The following CEP83 variants were observed in gnomAD, a reference collection of about 807,000 sequenced individuals.
CEP83 encodes the protein centrosomal protein 83.
Under a neutral mutation model 101.9 loss-of-function variants are expected in CEP83, and 70 were observed. The ratio of observed to expected loss-of-function variants is 0.69; its 90% CI spans 0.57 to 0.84. CEP83 has a LOEUF of 0.84. CEP83 is among the 40% of genes least tolerant of loss of function. The pLI is 0.00. For synonymous variants in CEP83, 264 were observed against 267.9 expected, an observed-to-expected ratio of 0.99 and a Z score of 0.14; for missense variants, 715 against 787.2, an observed-to-expected ratio of 0.91 and a Z score of 1.10.
rs551271991 is a variant in CEP83 at position 94,373,368 on chromosome 12, A to G, written c.933+2518T>C. 3.9e-5 allele frequency among the ~76,000 whole-genome samples: 6 copies of G among 152,308 alleles called. No individual in the cohort carries two copies. In the South Asian group the frequency reaches 1.2e-3, roughly 32 times the overall value. ...ACTGGGCATTTTACAGGGGGTCAGT[A>G]TCTGTTAAAGTACACATACTCACAG... On this transcript the variant is annotated intron_variant, in intron 8 of 16. Transcript: ENST00000397809.
chr12:94,429,520 C>A (rs114865907), intron 2 of CEP83, among the ~76,000 whole-genome samples: 1 of 152,162 alleles, frequency 6.6e-6, no homozygotes, highest in African/African-American at 2.4e-5. Flanking sequence ...TTAACAGCAC[C>A]TGTCTCTTCA....
At chr12:94,440,013 A>T (rs1054074394) in intron 1 of CEP83, among the ~76,000 whole-genome samples, 4 of 152,206 alleles carry the variant, frequency 2.6e-5, no homozygotes, top group Admixed American at 2.0e-4. Context: ...CGTCTGCAAC[A>T]TCGGCATAGA....
the CEP83 span, among the ~76,000 whole-genome samples, chr12:94,290,620 T>C: frequency 1.3e-5 from 2 of 152,242 alleles, no homozygotes; most frequent in African/African-American, 2.4e-5. Flanking sequence ...TCTTGAGGGC[T>C]GGCTCTTGCT....
chr12:94,335,871 T>C, intron 11 of CEP83: 1 of 505,794 alleles, frequency 2.0e-6, no homozygotes, highest in Non-Finnish European at 3.5e-6. Context: ...ATCTACAAAC[T>C]AGGGGCATAG....
At chr12:94,454,634 G>A (rs73372214) in intron 1 of CEP83, among the ~76,000 whole-genome samples, 11,609 of 152,232 alleles carry the variant, frequency 0.076, 537 homozygotes, top group African/African-American at 0.12. Flanking sequence ...CTTCCATGCC[G>A]TGGAAGCTCT....
intron 11 of CEP83, among the ~76,000 whole-genome samples, chr12:94,351,406 G>A (rs1049363582): frequency 6.6e-6 from 1 of 152,096 alleles, no homozygotes; most frequent in African/African-American, 2.4e-5. Flanking sequence ...TTTGAGAACC[G>A]AGCCAATGCT....
chr12:94,347,469 C>G (rs2059994508), intron 11 of CEP83, among the ~76,000 whole-genome samples: 1 of 152,134 alleles, frequency 6.6e-6, no homozygotes, highest in South Asian at 2.1e-4. Context: ...AAAAACTTCT[C>G]AAGTGTTTCC....
At chr12:94,273,073 C>T in the CEP83 span, among the ~76,000 whole-genome samples, 1 of 152,316 alleles carries the variant, frequency 6.6e-6, no homozygotes, top group African/African-American at 2.4e-5. Flanking sequence ...TCTCTGGTCT[C>T]GGTTTCCTCA....
In CEP83 at chr12:94,309,918, C is replaced by A; in HGVS notation, c.2001G>T (p.Gln667His). The change falls in exon 16 of 17, where the codon CAG becomes CAT. Residue 667 changes from glutamine to histidine, a missense_variant and splice_region_variant. Physicochemically the swap from Gln to His is conservative, Grantham distance 24 (BLOSUM62 0). Coordinates refer to ENST00000397809, the MANE Select transcript of CEP83 (RefSeq NM_016122.3). Reference protein sequence around the residue: ...SMELPFPPHMQEEQHQRELSL... With the variant: ...SMELPFPPHMHEEQHQRELSL... ...TTCCCCCTAAAATAAATGCTCATAC[C>A]TGCATATGAGGAGGAAATGGTAGTT... is the stretch of plus-strand genomic sequence containing the variant. 6.4e-7 allele frequency: 1 copy of A among 1,554,386 alleles called. No homozygotes were observed. Among genetic ancestry groups the A allele is most frequent in the South Asian group, 1.2e-5 (1 of 82,858 alleles).
At chr12:94,368,365 A>G in intron 9 of CEP83, 164 bp from the exon 10 acceptor site, 3 of 580,200 alleles carry the variant, frequency 5.2e-6, no homozygotes, top group East Asian at 5.9e-5. Flanking sequence ...CACTCTTAAA[A>G]TAAGAATGAA....
chr12:94,447,539 G>A (rs997299705), intron 1 of CEP83, among the ~76,000 whole-genome samples: 7 of 152,082 alleles, frequency 4.6e-5, no homozygotes, highest in Non-Finnish European at 7.4e-5. Context: ...GGAGAATGAA[G>A]CTCATTGGAA....
chr12:94,274,837 T>C, the CEP83 span, among the ~76,000 whole-genome samples: 1 of 152,222 alleles, frequency 6.6e-6, no homozygotes, highest in African/African-American at 2.4e-5. Context: ...CAGTTTCTCA[T>C]CTGCCACAAG....
chr12:94,336,018 T>C (rs1418902089), intron 11 of CEP83, among the ~76,000 whole-genome samples: 1 of 152,118 alleles, frequency 6.6e-6, no homozygotes, highest in East Asian at 1.9e-4. Flanking sequence ...AATGTGTTGC[T>C]AAGGTATCAG....
At chr12:94,406,920 C>CT (rs2063574705) in intron 4 of CEP83, among the ~76,000 whole-genome samples, 1 of 149,044 alleles carries the variant, frequency 6.7e-6, no homozygotes, top group Admixed American at 6.7e-5. Context: ...CAGAGAGACT[C>CT]TGTCTCAAAA....
chr12:94,392,432 T>G (rs1455418095), intron 6 of CEP83, among the ~76,000 whole-genome samples: 1 of 152,218 alleles, frequency 6.6e-6, no homozygotes, highest in South Asian at 2.1e-4. Flanking sequence ...AGATGTTCTT[T>G]GAAACCAATG....
chr12:94,309,552 T>C (rs566481550), intron 16 of CEP83, among the ~76,000 whole-genome samples: 1 of 152,328 alleles, frequency 6.6e-6, no homozygotes, highest in African/African-American at 2.4e-5. Flanking sequence ...GTATTAGACA[T>C]TGCACGGAAC....
rs1433987745 is a variant in CEP83 at position 94,459,717 on chromosome 12, G to A, written c.-315C>T. 6.6e-6 allele frequency: 1 copy of A among 152,500 alleles called. No homozygotes were observed. Among genetic ancestry groups the A allele is most frequent in the African/African-American group, 2.4e-5 (1 of 41,472 alleles). 9.4% of individuals were successfully genotyped at this position (152,500 alleles called of 1,614,324 possible). A position where few individuals can be genotyped will look rare whatever the true frequency, so the allele number is the denominator to read the frequency against. ...GACTAAGGGTTACGGTCCTACAGCG[G>A]GGTGTCGGCCCAGCGAGAGGAAGAG... On this transcript the variant is annotated 5_prime_UTR_variant, in exon 1 of 17. Transcript: ENST00000397809.
chr12:94,376,049 T>A (rs1345810083), intron 7 of CEP83, 32 bp from the exon 8 acceptor site: 2 of 1,386,696 alleles, frequency 1.4e-6, no homozygotes, highest in Non-Finnish European at 1.9e-6. Flanking sequence ...TTAAAATTCA[T>A]CATTTTTCAA....
At chr12:94,311,719 A>G (rs886853610) in intron 15 of CEP83, among the ~76,000 whole-genome samples, 1 of 152,218 alleles carries the variant, frequency 6.6e-6, no homozygotes, top group African/African-American at 2.4e-5. Flanking sequence ...CAACTTTAGG[A>G]AAAAATGACA....
Sources: gnomAD v4.1 joint callset for allele counts (sites outside exome capture counted in the v4.1 genomes callset) on GRCh38, gnomAD v4.1.1 for gene constraint, MANE v1.5 for transcripts, NCBI Gene and HGNC (gene_info 2026-07-23, HGNC 2026-07-21) for gene names.